The following AEBP2 variants were observed in gnomAD, a reference collection of about 807,000 sequenced individuals.
The protein encoded by AEBP2 is zinc finger protein AEBP2.
A neutral mutation model predicts 50.8 loss-of-function variants in AEBP2; 10 were observed. The observed-to-expected ratio is 0.20, with a 90% confidence interval of 0.12 to 0.33. AEBP2 has a LOEUF of 0.33. Among genes scored for constraint, AEBP2 ranks in the 10% least tolerant of loss-of-function variants. The pLI is 1.00. For missense variants in AEBP2, 570 were observed against 688.0 expected, an observed-to-expected ratio of 0.83 and a Z score of 1.92; for synonymous variants, 296 against 261.3, an observed-to-expected ratio of 1.13 and a Z score of -1.28.
chr12:19,505,333 A>C (rs1195453400), intron 5 of AEBP2, among the ~76,000 whole-genome samples: 1 of 152,226 alleles, frequency 6.6e-6, no homozygotes, highest in African/African-American at 2.4e-5. Flanking sequence ...AACTGTTTTA[A>C]ATATTAAGGT....
At chr12:19,476,818 T>C (rs532996086) in intron 3 of AEBP2, among the ~76,000 whole-genome samples, 1 of 152,296 alleles carries the variant, frequency 6.6e-6, no homozygotes, top group South Asian at 2.1e-4. Flanking sequence ...TCCATATGAA[T>C]TTTAGGATAG....
At chr12:19,448,194 A>G (rs1041655635) in intron 1 of AEBP2, among the ~76,000 whole-genome samples, 3 of 152,196 alleles carry the variant, frequency 2.0e-5, no homozygotes, top group African/African-American at 7.2e-5. Flanking sequence ...GGCGTGAGCC[A>G]CTGTGCCTTG....
intron 1 of AEBP2, among the ~76,000 whole-genome samples, chr12:19,414,184 G>C (rs1010707958): frequency 2.0e-5 from 3 of 152,028 alleles, no homozygotes; most frequent in Non-Finnish European, 4.4e-5. Flanking sequence ...GAGCCATTGC[G>C]CCCGGCCAAC....
At chr12:19,510,136 G>A (rs1245172999) in intron 5 of AEBP2, among the ~76,000 whole-genome samples, 12 of 152,080 alleles carry the variant, frequency 7.9e-5, no homozygotes, top group Admixed American at 6.6e-4. Context: ...TGACTGCATA[G>A]TATTCCAGTA....
At chr12:19,458,955 G>T (rs941662976) in intron 1 of AEBP2, among the ~76,000 whole-genome samples, 1 of 152,118 alleles carries the variant, frequency 6.6e-6, no homozygotes, top group African/African-American at 2.4e-5. Flanking sequence ...ATGCAAATTG[G>T]ATCATGACTA....
intron 7 of AEBP2, among the ~76,000 whole-genome samples, chr12:19,517,150 C>T (rs1027017155): frequency 7.9e-5 from 12 of 152,156 alleles, no homozygotes; most frequent in African/African-American, 2.4e-4. Context: ...CTACATTTGT[C>T]CTAGTGTACA....
At chr12:19,419,797 G>A (rs1392434680) in intron 1 of AEBP2, among the ~76,000 whole-genome samples, 2 of 150,690 alleles carry the variant, frequency 1.3e-5, no homozygotes, top group African/African-American at 4.9e-5. Flanking sequence ...GGGCGTGGTG[G>A]TGTGCGTCTG....
At chr12:19,429,687 G>T (rs2095750418) in intron 1 of AEBP2, among the ~76,000 whole-genome samples, 1 of 152,156 alleles carries the variant, frequency 6.6e-6, no homozygotes, top group Admixed American at 6.6e-5. Context: ...GTGTGAGATG[G>T]TATCTCATTG....
chr12:19,498,518 T>A (rs1426512311), intron 4 of AEBP2, among the ~76,000 whole-genome samples: 1 of 151,796 alleles, frequency 6.6e-6, no homozygotes, highest in African/African-American at 2.4e-5. Context: ...GTGTAGATGT[T>A]TTGAGAACTC....
chr12:19,472,064 G>A (rs953101180), intron 2 of AEBP2, among the ~76,000 whole-genome samples: 1 of 152,072 alleles, frequency 6.6e-6, no homozygotes, highest in East Asian at 1.9e-4. Flanking sequence ...AAATGGCAGT[G>A]GTGGTATTGC....
chr12:19,501,845 G>T, intron 5 of AEBP2, among the ~76,000 whole-genome samples: 1 of 116,632 alleles, frequency 8.6e-6, no homozygotes. Flanking sequence ...TCTGCGTGCA[G>T]TCATCCCTCT....
rs1318972659 is a variant in AEBP2, at chr12:19,518,091, A to G, written c.1486A>G (p.Met496Val). Residue 496 changes from methionine to valine, a missense_variant, in exon 8 of 8, where the codon ATG (methionine) becomes GTG (valine). By Grantham distance (21) the Met-to-Val change is conservative. Around this residue, in one of 2 missense-constraint regions of AEBP2, gnomAD observed 184 missense variants for 351.2 expected, o/e 0.52. Coordinates refer to ENST00000266508, the MANE Select transcript of AEBP2 (RefSeq NM_153207.5). ...TTTCTTTTTCTCTTTTTCTAGAACA[A>G]TGCCGCAGAAGAGGTTGAAGAGGTA... ...LLLDPNIYRT[M>V]PQKRLKR 7 of 1,599,616 alleles carry G rather than the reference A, an allele frequency of 4.4e-6. No individual in the cohort carries two copies. Among genetic ancestry groups the G allele is most frequent in the East Asian group, 2.2e-5 (1 of 44,484 alleles).
Position 19,519,270 on chromosome 12 carries a change from G to A in AEBP2, c.*1153G>A, listed in dbSNP as rs1231608024. 1 of 152,454 alleles carries A rather than the reference G, an allele frequency of 6.6e-6. No homozygotes were observed. Among genetic ancestry groups the A allele is most frequent in the African/African-American group, 2.4e-5 (1 of 41,426 alleles). 9.4% of individuals were successfully genotyped at this position (152,454 alleles called of 1,614,324 possible). On this transcript the variant is annotated 3_prime_UTR_variant, in exon 8 of 8. Coordinates refer to ENST00000266508, the MANE Select transcript of AEBP2 (RefSeq NM_153207.5). ...AATGTACTGTAGATGTTTTCTAGAG[G>A]CATGAAAGTTAAATGTATATATTAT...
chr12:19,418,619 C>T (rs1592704840), intron 1 of AEBP2, among the ~76,000 whole-genome samples: 1 of 152,130 alleles, frequency 6.6e-6, no homozygotes, highest in Non-Finnish European at 1.5e-5. Context: ...AATCCCCCCA[C>T]TTTGAGTTGT....
intron 3 of AEBP2, among the ~76,000 whole-genome samples, chr12:19,480,486 G>T (rs572555761): frequency 6.6e-6 from 1 of 152,254 alleles, no homozygotes; most frequent in East Asian, 1.9e-4. Context: ...GTGCTGGCTT[G>T]GTAGTGACAA....
intron 3 of AEBP2, among the ~76,000 whole-genome samples, chr12:19,490,242 T>G (rs1449245487): frequency 6.6e-6 from 1 of 152,132 alleles, no homozygotes; most frequent in Non-Finnish European, 1.5e-5. Flanking sequence ...TCTTAAGACT[T>G]ACAACATTTC....
chr12:19,491,731 A>G (rs952269633), intron 3 of AEBP2, among the ~76,000 whole-genome samples: 1 of 152,036 alleles, frequency 6.6e-6, no homozygotes, highest in African/African-American at 2.4e-5. Context: ...TTTTTTTATC[A>G]GCATCAGTAA....
chr12:19,496,544 T>C (rs1427007201), intron 4 of AEBP2, among the ~76,000 whole-genome samples: 1 of 152,192 alleles, frequency 6.6e-6, no homozygotes, highest in African/African-American at 2.4e-5. Flanking sequence ...CTTTACCTAG[T>C]ATCTTCCTCA....
chr12:19,452,138 A>G (rs1001496664), intron 1 of AEBP2, among the ~76,000 whole-genome samples: 2 of 152,186 alleles, frequency 1.3e-5, no homozygotes, highest in Admixed American at 6.5e-5. Flanking sequence ...TGATCCGCCC[A>G]CCTCAGCCTC....
Sources: allele counts gnomAD v4.1 joint callset (sites outside exome capture counted in the v4.1 genomes callset), GRCh38; gene constraint gnomAD v4.1.1; regional missense constraint gnomAD v4.1.1; transcripts MANE v1.5; gene names NCBI Gene and HGNC (gene_info 2026-07-23, HGNC 2026-07-21).